CDC42BPA: variants seen among roughly 807,000 people sequenced by gnomAD.
CDC42BPA encodes the protein serine/threonine-protein kinase MRCK alpha.
A neutral mutation model predicts 223.5 loss-of-function variants in CDC42BPA; 80 were observed. The observed-to-expected ratio is 0.36, with a 90% confidence interval of 0.30 to 0.43. The LOEUF (loss-of-function observed/expected upper bound fraction) is 0.43, where lower values mean the gene tolerates loss of function less well. CDC42BPA is among the 20% of genes least tolerant of loss of function. CDC42BPA has a pLI of 1.00. For synonymous variants in CDC42BPA, 694 were observed against 718.6 expected, an observed-to-expected ratio of 0.97 and a Z score of 0.55; for missense variants, 1,743 against 2,099.9, an observed-to-expected ratio of 0.83 and a Z score of 3.32.
chr1:227,296,515 G>C (rs1346661139), intron 1 of CDC42BPA, among the ~76,000 whole-genome samples: 1 of 152,012 alleles, frequency 6.6e-6, no homozygotes, highest in East Asian at 1.9e-4. Flanking sequence ...AGACCAGCCT[G>C]GCCATAATGG....
Position 227,209,284 on chromosome 1 carries a change from T to C in CDC42BPA, c.354+3852A>G, listed in dbSNP as rs1249395370. 2.4e-4 allele frequency among the ~76,000 whole-genome samples: 36 copies of C among 150,400 alleles called. No homozygotes were observed. In the East Asian group the frequency reaches 6.2e-3, roughly 26 times the overall value. On this transcript the variant is annotated intron_variant, in intron 3 of 36. Transcript: ENST00000366766. ...GAGACAATGGGGTTTTCTAGATATA[T>C]AATCATGTCGTCTGCAAACAGGGAC... is the stretch of plus-strand genomic sequence containing the variant.
chr1:227,207,157 C>T (rs6660369), intron 3 of CDC42BPA, among the ~76,000 whole-genome samples: 95,978 of 139,922 alleles, frequency 0.69, 32,977 homozygotes, highest in South Asian at 0.73. Context: ...TGTTCAATTC[C>T]CACCTATGAG....
intron 11 of CDC42BPA, among the ~76,000 whole-genome samples, chr1:227,123,255 T>C (rs565940579): frequency 1.3e-5 from 2 of 152,154 alleles, no homozygotes; most frequent in Admixed American, 1.3e-4. Flanking sequence ...TGAGCCAAGA[T>C]TGCATCGCTG....
At chr1:227,215,687 C>T (rs1426046282) in intron 2 of CDC42BPA, among the ~76,000 whole-genome samples, 1 of 152,170 alleles carries the variant, frequency 6.6e-6, no homozygotes, top group Non-Finnish European at 1.5e-5. Flanking sequence ...AAGCACATTA[C>T]AGCCCAATCT....
intron 6 of CDC42BPA, among the ~76,000 whole-genome samples, chr1:227,155,204 T>C (rs1406547259): frequency 6.6e-6 from 1 of 152,106 alleles, no homozygotes; most frequent in Admixed American, 6.5e-5. Context: ...CTTCCAGATA[T>C]AGAGAGAAAG....
Position 227,072,236 on chromosome 1 carries a change from C to T in CDC42BPA, c.2799G>A (p.Lys933=). The T allele has an allele frequency of 6.2e-7, 1 of 1,608,292 alleles. No homozygotes were observed. Among genetic ancestry groups the T allele is most frequent in the Non-Finnish European group, 8.5e-7 (1 of 1,175,348 alleles). The change falls in exon 20 of 37, where the codon AAG becomes AAA. Residue 933 remains lysine (K), a synonymous_variant. Coordinates refer to ENST00000366766, the MANE Select transcript of CDC42BPA (RefSeq NM_001394014.1). Reference sequence around the variant, plus strand: ...TTTCAGATCTAAGCTCTTCAGTGTCCTTTATCAGCTGTTCGATTTCTGAGA... The same window carrying T: ...TTTCAGATCTAAGCTCTTCAGTGTCTTTTATCAGCTGTTCGATTTCTGAGA... ...ELLSEIEQLI[K]DTEELRSEKG...
chr1:227,271,554 G>A (rs1436527931), intron 1 of CDC42BPA, among the ~76,000 whole-genome samples: 1 of 151,822 alleles, frequency 6.6e-6, no homozygotes, highest in Non-Finnish European at 1.5e-5. Context: ...GACTCTGATG[G>A]CTGATAGATA....
intron 1 of CDC42BPA, among the ~76,000 whole-genome samples, chr1:227,306,611 C>T (rs1033129493): frequency 6.6e-6 from 1 of 152,192 alleles, no homozygotes; most frequent in Non-Finnish European, 1.5e-5. Context: ...TAACCATAAA[C>T]TCTAGGAGAA....
At chr1:227,196,260 CAA>C (rs920720360) in intron 4 of CDC42BPA, among the ~76,000 whole-genome samples, 2 of 148,738 alleles carry the variant, frequency 1.3e-5, no homozygotes, top group Non-Finnish European at 3.0e-5. Flanking sequence ...GCTGCCATAA[CAA>C]AGAGATTAAC....
rs180974588 is a variant in CDC42BPA at position 227,203,889 on chromosome 1, T to C, written c.355-4237A>G. ...ATACATAAATGGTAATTCTGGAAAG[T>C]TGACACAGGATTCTCTTCATCGTAT... On this transcript the variant is annotated intron_variant, in intron 3 of 36. Transcript: ENST00000366766. Among the ~76,000 whole-genome samples, 205 of 152,332 alleles carry C rather than the reference T, an allele frequency of 1.3e-3. 1 individual carries two copies. The highest frequency in any genetic ancestry group is 4.7e-3 in the African/African-American group (197 of 41,584).
At chr1:227,007,066 T>C (rs994212245) in intron 34 of CDC42BPA, among the ~76,000 whole-genome samples, 1 of 152,144 alleles carries the variant, frequency 6.6e-6, no homozygotes, top group African/African-American at 2.4e-5. Context: ...AACTCTATAA[T>C]GGAAATGCAA....
At chr1:227,294,296 A>T (rs1215037230) in intron 1 of CDC42BPA, among the ~76,000 whole-genome samples, 1 of 152,096 alleles carries the variant, frequency 6.6e-6, no homozygotes, top group Non-Finnish European at 1.5e-5. Context: ...TTAGTATCTA[A>T]TAAATAACTG....
intron 6 of CDC42BPA, among the ~76,000 whole-genome samples, chr1:227,152,677 T>C (rs938405906): frequency 6.6e-6 from 1 of 152,090 alleles, no homozygotes; most frequent in Non-Finnish European, 1.5e-5. Context: ...AAACTGCACG[T>C]AAGATACTAG....
chr1:227,294,957 C>T (rs1690410063), intron 1 of CDC42BPA, among the ~76,000 whole-genome samples: 1 of 143,266 alleles, frequency 7.0e-6, no homozygotes. Context: ...ATAAAAATAC[C>T]AGAAATGTTC....
chr1:227,031,665 TA>T lies in CDC42BPA; in HGVS notation c.3559-152del. ...GGAGTTCAGCTATTCCTAATCAGAA[TA>T]ACTACCTTTAGCACTAGAATACATG... On this transcript the variant is annotated intron_variant, in intron 27 of 36. Transcript: ENST00000366766. The T allele has an allele frequency of 3.1e-6, 2 of 639,392 alleles. 1 individual carries two copies. 39.6% of individuals were successfully genotyped at this position (639,392 alleles called of 1,614,324 possible). A position where few individuals can be genotyped will look rare whatever the true frequency, so the allele number is the denominator to read the frequency against.
At chr1:227,168,699 G>A (rs113641364) in intron 5 of CDC42BPA, among the ~76,000 whole-genome samples, 23,820 of 151,576 alleles carry the variant, frequency 0.16, 2,323 homozygotes, top group African/African-American at 0.26. Context: ...GGGTTTCACC[G>A]TGTTAGCCAG....
intron 1 of CDC42BPA, among the ~76,000 whole-genome samples, chr1:227,297,476 C>T (rs1690842707): frequency 6.6e-6 from 1 of 152,128 alleles, no homozygotes; most frequent in African/African-American, 2.4e-5. Context: ...CAAACAGATA[C>T]TTGTATGCCA....
intron 14 of CDC42BPA, among the ~76,000 whole-genome samples, chr1:227,106,810 G>C (rs1686018751): frequency 6.6e-6 from 1 of 152,168 alleles, no homozygotes; most frequent in African/African-American, 2.4e-5. Context: ...CAAAACATCT[G>C]TAGAAACTAT....
chr1:227,144,888 G>GC (rs1356497728), intron 8 of CDC42BPA, among the ~76,000 whole-genome samples: 1 of 152,124 alleles, frequency 6.6e-6, no homozygotes, highest in African/African-American at 2.4e-5. Flanking sequence ...ATTGTTAGCA[G>GC]CAACACACTG....
Sources: allele counts gnomAD v4.1 joint callset (sites outside exome capture counted in the v4.1 genomes callset), GRCh38; gene constraint gnomAD v4.1.1; transcripts MANE v1.5; gene names NCBI Gene and HGNC (gene_info 2026-07-23, HGNC 2026-07-21).